Variants in SYCE1L observed in about 807,000 individuals in gnomAD.
The protein encoded by SYCE1L is synaptonemal complex central element protein 1-like.
SYCE1L carries 51 observed loss-of-function variants against 39.6 expected under a neutral mutation model. The observed-to-expected ratio is 1.29, with a 90% CI of 1.03 to 1.63. The LOEUF is 1.63. Among genes scored for constraint, SYCE1L ranks in the 40% most tolerant of loss-of-function variants. The pLI, the probability that SYCE1L is intolerant of heterozygous loss-of-function variation, is 0.00. For missense variants in SYCE1L, 426 were observed against 304.9 expected (o/e 1.40, Z -2.96); for synonymous variants, 147 against 122.4 (o/e 1.20, Z -1.33).
chr16:77,208,173 C>T, intron 2 of SYCE1L, 37 bp from the exon 3 acceptor site: 1 of 1,543,152 alleles, frequency 6.5e-7, no homozygotes, highest in Non-Finnish European at 8.8e-7. Flanking sequence ...AGACACCAGT[C>T]TTCTCTGGCT....
intron 1 of SYCE1L, chr16:77,201,857 A>C (rs1418755057): frequency 6.6e-6 from 1 of 152,292 alleles, no homozygotes; most frequent in East Asian, 1.9e-4. Flanking sequence ...TTGACACACA[A>C]GGAGCTCCAA....
intron 1 of SYCE1L, chr16:77,199,897 G>C (rs533125720): frequency 5.9e-6 from 1 of 168,290 alleles, no homozygotes; most frequent in African/African-American, 2.4e-5. Flanking sequence ...ATGACACTTT[G>C]ATGGACTCTT....
At chr16:77,208,680 T>C (rs1325689771) in intron 4 of SYCE1L, 141 bp downstream of exon 4, 2 of 843,048 alleles carry the variant, frequency 2.4e-6, no homozygotes, top group Non-Finnish European at 3.7e-6. Flanking sequence ...TCATGTCATC[T>C]TTCAGCTCTC....
At chr16:77,212,719 G>A (rs1257523688) in intron 10 of SYCE1L, 73 bp downstream of exon 10, 1 of 1,449,222 alleles carries the variant, frequency 6.9e-7, no homozygotes, top group African/African-American at 1.4e-5. Context: ...GGTCCTGGGA[G>A]CGGCCCCCGA....
At chr16:77,210,247 C>G (rs901102038) in intron 6 of SYCE1L, among the ~76,000 whole-genome samples, 1 of 152,176 alleles carries the variant, frequency 6.6e-6, no homozygotes, top group African/African-American at 2.4e-5. Flanking sequence ...CCATGTTGGT[C>G]AGGCTGGTCT....
intron 6 of SYCE1L, among the ~76,000 whole-genome samples, 186 bp from the exon 7 acceptor site, chr16:77,211,027 A>G (rs2054818645): frequency 6.6e-6 from 1 of 152,196 alleles, no homozygotes; most frequent in African/African-American, 2.4e-5. Flanking sequence ...AAGTGGGAAC[A>G]GGGCTTGCAT....
At chr16:77,204,862 C>T (rs2054774134) in intron 1 of SYCE1L, among the ~76,000 whole-genome samples, 1 of 151,660 alleles carries the variant, frequency 6.6e-6, no homozygotes, top group Admixed American at 6.6e-5. Context: ...CTGGGGAACA[C>T]AGTAAAACCC....
At chr16:77,199,896 T>G (rs1004896846) in intron 1 of SYCE1L, 3 of 168,484 alleles carry the variant, frequency 1.8e-5, no homozygotes, top group Non-Finnish European at 3.8e-5. Context: ...TATGACACTT[T>G]GATGGACTCT....
chr16:77,212,743 G>A (rs1597040127), intron 10 of SYCE1L, 97 bp downstream of exon 10: 2 of 1,434,054 alleles, frequency 1.4e-6, no homozygotes, highest in South Asian at 2.8e-5. Flanking sequence ...TGGGGTCTGT[G>A]GGGAGCAGGG....
In SYCE1L at chr16:77,213,120, A is replaced by T; in HGVS notation, c.*189A>T. On this transcript the variant is annotated 3_prime_UTR_variant, in exon 11 of 11. Coordinates refer to ENST00000378644, the MANE Select transcript of SYCE1L (RefSeq NM_001129979.3). ...ACCAGTCGAGCCCCGGGCGCCGTACAGAGGCTGGGTAAATGCTCCTGAACT... is the reference window on the plus strand; with the variant it reads ...ACCAGTCGAGCCCCGGGCGCCGTACTGAGGCTGGGTAAATGCTCCTGAACT... 2.0e-6 allele frequency: 1 copy of T among 497,806 alleles called. No homozygotes were observed. The highest frequency in any genetic ancestry group is 3.3e-6 in the Non-Finnish European group (1 of 299,612). The allele number at this position is 497,806 out of a possible 1,614,324, so 30.8% of individuals were successfully genotyped here. A position where few individuals can be genotyped will look rare whatever the true frequency, so the allele number is the denominator to read the frequency against.
chr16:77,211,205 G>C lies in SYCE1L; in HGVS notation c.360-8G>C. 1 of 1,551,898 alleles carries C rather than the reference G, an allele frequency of 6.4e-7. No individual in the cohort carries two copies. Among genetic ancestry groups the C allele is most frequent in the Admixed American group, 2.0e-5 (1 of 51,008 alleles). ...TGTGTTCTCTTATTCCTGGGTGTCG[G>C]CCTCCAGGTTGGATGTCAGAGGACA... On this transcript the variant is annotated splice_region_variant and splice_polypyrimidine_tract_variant and intron_variant, in intron 6 of 10. Transcript: ENST00000378644.
At chr16:77,207,760 T>C (rs2054795330) in intron 2 of SYCE1L, among the ~76,000 whole-genome samples, 1 of 152,110 alleles carries the variant, frequency 6.6e-6, no homozygotes, top group Non-Finnish European at 1.5e-5. Flanking sequence ...CCCTCACTGT[T>C]ACTTTGGACA....
Position 77,199,473 on chromosome 16 carries a change from C to T in SYCE1L, c.22C>T (p.Leu8=), listed in dbSNP as rs112674196. Residue 8 remains leucine, a synonymous_variant, in exon 1 of 11, where the codon CTG becomes TTG. Transcript: ENST00000378644. ...GAAAATGGCGGGGAAGCTGAAACCTCTGAATGTGGAGGCGCCAGAAGCTAC... is the reference window on the plus strand; with the variant it reads ...GAAAATGGCGGGGAAGCTGAAACCTTTGAATGTGGAGGCGCCAGAAGCTAC... The part of the protein sequence containing the change: MAGKLKP[L]NVEAPEATEE... 1.1e-3 allele frequency: 1,681 copies of T among 1,551,392 alleles called. 24 individuals carry two copies. The African/African-American group carries it at 0.02, about 19-fold the overall frequency.
chr16:77,200,256 G>GTATATATA (rs1211138188), intron 1 of SYCE1L: 5 of 83,626 alleles, frequency 6.0e-5, no homozygotes, highest in African/African-American at 1.9e-4. Flanking sequence ...ATGTATATGT[G>GTATATATA]TATATATATA....
Position 77,212,890 on chromosome 16 carries a change from G to C in SYCE1L, c.688G>C (p.Glu230Gln), listed in dbSNP as rs1162498951. 1 of 1,529,920 alleles carries C rather than the reference G, an allele frequency of 6.5e-7. No individual in the cohort carries two copies. Among genetic ancestry groups the C allele is most frequent in the South Asian group, 1.2e-5 (1 of 82,836 alleles). The allele number at this position is 1,529,920 out of a possible 1,614,324, so 94.8% of individuals were successfully genotyped here. ...TGAGCTCCCCCGCGCTCGCGACGAG[G>C]AGGATCCCGAGCCGCCGGTGGCTGC... ...GPELPRARDE[E>Q]DPEPPVAAPD... Residue 230 changes from glutamate to glutamine, a missense_variant, in exon 11 of 11, where the codon GAG (glutamate) becomes CAG (glutamine). Coordinates refer to ENST00000378644, the MANE Select transcript of SYCE1L (RefSeq NM_001129979.3).
intron 4 of SYCE1L, 29 bp downstream of exon 4, chr16:77,208,568 A>C (rs1347503545): frequency 6.5e-7 from 1 of 1,549,246 alleles, no homozygotes; most frequent in Non-Finnish European, 8.7e-7. Flanking sequence ...GGGACCCATC[A>C]ACACTGCAGA....
intron 6 of SYCE1L, among the ~76,000 whole-genome samples, chr16:77,210,241 G>A (rs562823811): frequency 6.6e-6 from 1 of 152,156 alleles, no homozygotes; most frequent in Non-Finnish European, 1.5e-5. Context: ...GTTTCTCCAT[G>A]TTGGTCAGGC....
intron 1 of SYCE1L, among the ~76,000 whole-genome samples, chr16:77,205,820 C>T (rs1190742514): frequency 2.0e-5 from 3 of 152,102 alleles, no homozygotes; most frequent in Non-Finnish European, 4.4e-5. Context: ...CATCTAGAGG[C>T]TCATAGGGAG....
In SYCE1L at chr16:77,212,368, G is replaced by A. The variant is rs1266188546; in HGVS notation, c.580G>A (p.Gly194Arg). ...EVEGAMAVND[G>R]LKAELEIFGE... ...CGAGGGCGCCATGGCGGTGAATGAC[G>A]GGTGAGAGGGGAAGGGAGGAGTGGG... is the stretch of plus-strand genomic sequence containing the variant. The change falls in exon 9 of 11, where the codon GGG becomes AGG. Residue 194 changes from glycine (G) to arginine (R), a missense_variant and splice_region_variant. By Grantham distance (125) the Gly-to-Arg change is moderately radical. Transcript: ENST00000378644. The A allele has an allele frequency of 2.0e-6, 3 of 1,526,638 alleles. No homozygotes were observed. The highest frequency in any genetic ancestry group is 2.5e-5 in the East Asian group (1 of 40,364). 94.6% of individuals were successfully genotyped at this position (1,526,638 alleles called of 1,614,324 possible). A position where few individuals can be genotyped will look rare whatever the true frequency, so the allele number is the denominator to read the frequency against.
Sources: gnomAD v4.1 joint callset for allele counts (sites outside exome capture counted in the v4.1 genomes callset) on GRCh38, gnomAD v4.1.1 for gene constraint, MANE v1.5 for transcripts, NCBI Gene and HGNC (gene_info 2026-07-23, HGNC 2026-07-21) for gene names.